The following CEP85L variants were observed in gnomAD, a reference collection of about 807,000 sequenced individuals.
The protein encoded by CEP85L is centrosomal protein 85L, also known as centrosomal protein of 85 kDa-like.
A neutral mutation model predicts 100.3 loss-of-function variants in CEP85L; 60 were observed. That is an observed-to-expected ratio of 0.60 (90% CI 0.49 to 0.74). The LOEUF (loss-of-function observed/expected upper bound fraction) is 0.74, where lower values mean the gene tolerates loss of function less well. Among genes scored for constraint, CEP85L ranks in the 30% least tolerant of loss-of-function variants. The pLI is 0.00. For synonymous variants in CEP85L, 319 were observed against 322.7 expected, an observed-to-expected ratio of 0.99 and a Z score of 0.12; for missense variants, 973 against 936.2, an observed-to-expected ratio of 1.04 and a Z score of -0.51.
chr6:118,656,881 C>T (rs896444370), upstream of CEP85L: 2 of 152,214 alleles, frequency 1.3e-5, no homozygotes, highest in African/African-American at 2.4e-5. Flanking sequence ...AAAGCTCAGC[C>T]GAGATACTTG....
At position 118,519,432 on chromosome 6, in the gene CEP85L, CTGTGTGTGTGTGTGTG is replaced by C. The variant is rs546998242; in HGVS notation, c.1139+4354_1139+4369del. 4.5e-3 allele frequency among the ~76,000 whole-genome samples: 109 copies of C among 23,970 alleles called. 1 individual carries two copies. Among genetic ancestry groups the C allele is most frequent in the Non-Finnish European group, 5.5e-3 (78 of 14,144 alleles). 15.7% of individuals were successfully genotyped at this position (23,970 alleles called of 152,430 possible). On this transcript the variant is annotated intron_variant, in intron 4 of 12. Coordinates refer to ENST00000368491, the MANE Select transcript of CEP85L (RefSeq NM_001042475.3). Reference sequence around the variant, plus strand: ...CCAGTCTGGGTGACAGAGCAAAACTCTGTGTGTGTGTGTGTGTGTGTGTGTGTGTGTGTGTGTGTGT... The same window carrying C: ...CCAGTCTGGGTGACAGAGCAAAACTCTGTGTGTGTGTGTGTGTGTGTGTGT...
At chr6:118,538,007 A>G (rs1777693872) in intron 3 of CEP85L, 1 of 709,496 alleles carries the variant, frequency 1.4e-6, no homozygotes, top group Admixed American at 6.3e-5. Flanking sequence ...CAAATAACAT[A>G]AAATTTAAAG....
intron 5 of CEP85L, among the ~76,000 whole-genome samples, chr6:118,494,821 C>T (rs1774815674): frequency 1.3e-5 from 2 of 152,102 alleles, no homozygotes; most frequent in African/African-American, 4.8e-5. Context: ...TTTGAAGAGA[C>T]CACAAAGCAT....
intron 3 of CEP85L, among the ~76,000 whole-genome samples, chr6:118,537,184 A>G: frequency 6.6e-6 from 1 of 152,174 alleles, no homozygotes; most frequent in Non-Finnish European, 1.5e-5. Flanking sequence ...AGAACATGTT[A>G]ATTTAAGCAT....
chr6:118,677,219 C>T (rs1432861002), intron 1 of CEP85L, among the ~76,000 whole-genome samples: 2 of 152,092 alleles, frequency 1.3e-5, no homozygotes, highest in African/African-American at 4.8e-5. Context: ...GACTTTAACA[C>T]AATTCCTTAA....
At chr6:118,678,222 C>T (rs1024608369) in intron 1 of CEP85L, among the ~76,000 whole-genome samples, 4 of 152,206 alleles carry the variant, frequency 2.6e-5, no homozygotes, top group South Asian at 2.1e-4. Context: ...TCAGCCCACC[C>T]GTTGGGTAGC....
intron 1 of CEP85L, among the ~76,000 whole-genome samples, chr6:118,696,258 C>A (rs952565926): frequency 6.6e-6 from 1 of 151,102 alleles, no homozygotes; most frequent in East Asian, 1.9e-4. Flanking sequence ...GAGCGAGACT[C>A]TGTCTCAAAA....
intron 4 of CEP85L, among the ~76,000 whole-genome samples, chr6:118,516,226 T>C (rs1776268184): frequency 6.6e-6 from 1 of 152,226 alleles, no homozygotes; most frequent in African/African-American, 2.4e-5. Context: ...TGTGCATCTG[T>C]CTTTATAGGA....
intron 2 of CEP85L, among the ~76,000 whole-genome samples, chr6:118,612,322 C>A (rs189095099): frequency 2.0e-5 from 3 of 151,838 alleles, no homozygotes; most frequent in Admixed American, 2.0e-4. Flanking sequence ...TGGGACACAG[C>A]TAAAGCAGTT....
chr6:118,545,390 C>T (rs1307543866), intron 3 of CEP85L, among the ~76,000 whole-genome samples: 1 of 152,034 alleles, frequency 6.6e-6, no homozygotes, highest in Non-Finnish European at 1.5e-5. Context: ...GAGTTTGAGA[C>T]CAGCCTGGGC....
At chr6:118,698,423 G>A (rs1777284041) in intron 1 of CEP85L, among the ~76,000 whole-genome samples, 1 of 152,016 alleles carries the variant, frequency 6.6e-6, no homozygotes, top group South Asian at 2.1e-4. Flanking sequence ...TTCCTTTAGA[G>A]CAACTTATGG....
At chr6:118,651,788 TCCCTCTGTCTCCATCCTC>T, upstream of CEP85L, 2 of 932,666 alleles carry the variant, frequency 2.1e-6, no homozygotes, top group Non-Finnish European at 2.5e-6. Flanking sequence ...TCCCGCCGCA[TCCCTCTGTCTCCATCCTC>T]CCGCCCTGCG....
Position 118,470,660 on chromosome 6 carries a change from A to C in CEP85L, c.1915-16T>G. On this transcript the variant is annotated splice_polypyrimidine_tract_variant and intron_variant, in intron 10 of 12. Transcript: ENST00000368491. ...CTTGCATAGACTAGAATTTTTAAAA[A>C]AATTGGAAAGCAAAACAGGTTAACA... The C allele has an allele frequency of 1.3e-6, 2 of 1,505,942 alleles. No individual in the cohort carries two copies. The highest frequency in any genetic ancestry group is 2.4e-5 in the South Asian group (2 of 82,422). The allele number at this position is 1,505,942 out of a possible 1,614,324, so 93.3% of individuals were successfully genotyped here.
At chr6:118,607,503 C>CA (rs1446026524) in intron 2 of CEP85L, among the ~76,000 whole-genome samples, 11 of 152,156 alleles carry the variant, frequency 7.2e-5, no homozygotes, top group Admixed American at 4.6e-4. Context: ...CTAATCCTGC[C>CA]ACCCACAGCC....
intron 2 of CEP85L, among the ~76,000 whole-genome samples, chr6:118,600,658 C>T (rs976232504): frequency 2.6e-5 from 4 of 151,808 alleles, no homozygotes; most frequent in African/African-American, 7.3e-5. Context: ...ACCAGTCAAG[C>T]TACCAACCTG....
At chr6:118,650,528 T>C (rs1228524461) in intron 1 of CEP85L, among the ~76,000 whole-genome samples, 9 of 152,218 alleles carry the variant, frequency 5.9e-5, no homozygotes, top group Admixed American at 2.0e-4. Context: ...CGTAACCCGG[T>C]TGCTCAATGG....
chr6:118,606,719 G>A (rs1772247572), intron 2 of CEP85L, among the ~76,000 whole-genome samples: 1 of 152,188 alleles, frequency 6.6e-6, no homozygotes, highest in South Asian at 2.1e-4. Flanking sequence ...CAGCTTGCTG[G>A]TTATTCTTGA....
intron 2 of CEP85L, among the ~76,000 whole-genome samples, chr6:118,588,259 T>C (rs987540647): frequency 4.6e-5 from 7 of 152,234 alleles, no homozygotes; most frequent in Non-Finnish European, 8.8e-5. Context: ...GGAAATTCTA[T>C]AGCCAGAGGT....
At chr6:118,475,329 G>C (rs769352942) in intron 10 of CEP85L, among the ~76,000 whole-genome samples, 2 of 151,200 alleles carry the variant, frequency 1.3e-5, no homozygotes, top group Non-Finnish European at 1.5e-5. Flanking sequence ...CAAAAAAGGT[G>C]GGTGAATTGT....
Sources: allele counts gnomAD v4.1 joint callset (sites outside exome capture counted in the v4.1 genomes callset), GRCh38; gene constraint gnomAD v4.1.1; transcripts MANE v1.5; gene names NCBI Gene and HGNC (gene_info 2026-07-23, HGNC 2026-07-21).